Variants in MPDZ observed in about 807,000 individuals in gnomAD.
MPDZ encodes the protein multiple PDZ domain crumbs cell polarity complex component.
Under a neutral mutation model 239.1 loss-of-function variants are expected in MPDZ, and 234 were observed. The observed-to-expected ratio is 0.98, with a 90% confidence interval of 0.88 to 1.09. The LOEUF (loss-of-function observed/expected upper bound fraction) is 1.09, where lower values mean the gene tolerates loss of function less well. Ranked by LOEUF, MPDZ falls within the 50% of genes least tolerant of loss-of-function variation. The pLI, the probability that MPDZ is intolerant of heterozygous loss-of-function variation, is 0.00. For synonymous variants in MPDZ, 1,048 were observed against 881.3 expected, an observed-to-expected ratio of 1.19 and a Z score of -3.35; for missense variants, 3,175 against 2,510.0, an observed-to-expected ratio of 1.26 and a Z score of -5.66.
intron 20 of MPDZ, 104 bp downstream of exon 20, chr9:13,176,032 G>C (rs545530215): frequency 1.5e-5 from 21 of 1,428,512 alleles, no homozygotes; most frequent in Admixed American, 2.7e-5. Context: ...GAAAATCTTA[G>C]TGTCAAGAAG....
At position 13,194,351 on chromosome 9, in the gene MPDZ, G is replaced by A. The variant is rs186997870; in HGVS notation, c.1657-1038C>T. 1.2e-3 allele frequency among the ~76,000 whole-genome samples: 183 copies of A among 152,020 alleles called. 1 individual carries two copies. Among genetic ancestry groups the A allele is most frequent in the Non-Finnish European group, 7.5e-4 (51 of 67,974 alleles). On this transcript the variant is annotated intron_variant, in intron 13 of 46. Transcript: ENST00000319217. ...ATAAAGAAAATGTATATACACCATGGAATACTACACAGCCATAAAAAAGAA... is the reference window on the plus strand; with the variant it reads ...ATAAAGAAAATGTATATACACCATGAAATACTACACAGCCATAAAAAAGAA...
chr9:13,148,069 G>T (rs925787226), intron 25 of MPDZ, among the ~76,000 whole-genome samples: 1 of 151,936 alleles, frequency 6.6e-6, no homozygotes, highest in Non-Finnish European at 1.5e-5. Context: ...GGGAAGTAAG[G>T]GGTGATGCCT....
chr9:13,222,201 T>C, intron 6 of MPDZ, 32 bp downstream of exon 6: 1 of 1,577,424 alleles, frequency 6.3e-7, no homozygotes, highest in Non-Finnish European at 8.6e-7. Context: ...GAAAAATACG[T>C]TCTGTTCCTT....
rs150634377 is a variant in MPDZ at position 13,230,388 on chromosome 9, T to C, written c.184-5805A>G. 5.3e-3 allele frequency among the ~76,000 whole-genome samples: 807 copies of C among 151,916 alleles called. 12 individuals are homozygous for C. The highest frequency in any genetic ancestry group is 0.018 in the African/African-American group (747 of 41,456). On this transcript the variant is annotated intron_variant, in intron 3 of 46. Transcript: ENST00000319217. Reference sequence around the variant, plus strand: ...GCAGCTTATATATAATAGTGAAAAATTGGAAACAAAATACCCCTCAGTAGG... The same window carrying C: ...GCAGCTTATATATAATAGTGAAAAACTGGAAACAAAATACCCCTCAGTAGG...
At chr9:13,108,539 ATAAC>A (rs1941870005) in intron 46 of MPDZ, among the ~76,000 whole-genome samples, 1 of 152,082 alleles carries the variant, frequency 6.6e-6, no homozygotes, top group African/African-American at 2.4e-5. Context: ...GTACTTCTCT[ATAAC>A]TATTTTATAT....
chr9:13,165,471 T>G, intron 22 of MPDZ: 1 of 1,539,440 alleles, frequency 6.5e-7, no homozygotes, highest in Non-Finnish European at 8.8e-7. Flanking sequence ...GTCAATGTCT[T>G]GTGCTGAATG....
At chr9:13,227,523 T>C (rs1961015945) in intron 3 of MPDZ, among the ~76,000 whole-genome samples, 1 of 151,968 alleles carries the variant, frequency 6.6e-6, no homozygotes, top group African/African-American at 2.4e-5. Context: ...TATGTTTGCA[T>C]AGGAAAAAAT....
At chr9:13,189,052 T>C (rs1587649667) in intron 16 of MPDZ, 59 bp from the exon 17 acceptor site, 1 of 1,465,370 alleles carries the variant, frequency 6.8e-7, no homozygotes, top group East Asian at 2.3e-5. Flanking sequence ...CTTCTACAGG[T>C]CGTCCACTCT....
chr9:13,155,765 C>T (rs1374921163), intron 24 of MPDZ, among the ~76,000 whole-genome samples: 2 of 152,276 alleles, frequency 1.3e-5, no homozygotes, highest in East Asian at 3.9e-4. Flanking sequence ...ACAACACTAA[C>T]TCCTAATTTA....
chr9:13,239,237 A>G (rs1964797716), intron 3 of MPDZ, among the ~76,000 whole-genome samples: 1 of 152,188 alleles, frequency 6.6e-6, no homozygotes, highest in Admixed American at 6.5e-5. Context: ...AATCACCCAG[A>G]AATCCTTAAA....
At chr9:13,119,916 T>C in intron 38 of MPDZ, 1 of 402,588 alleles carries the variant, frequency 2.5e-6, no homozygotes, top group Non-Finnish European at 4.5e-6. Flanking sequence ...AAGCGTGTAT[T>C]ACCATTCTCA....
At chr9:13,240,483 G>GCATTTCT (rs1415339995) in intron 3 of MPDZ, among the ~76,000 whole-genome samples, 1 of 148,636 alleles carries the variant, frequency 6.7e-6, no homozygotes, top group Admixed American at 6.9e-5. Flanking sequence ...TAGCTGAAGT[G>GCATTTCT]CATTTCTCTT....
rs1587870409 is a variant in MPDZ at position 13,216,812 on chromosome 9, G to A, written c.1252C>T (p.His418Tyr). Residue 418 changes from histidine to tyrosine, a missense_variant, in exon 10 of 47, where the codon CAT becomes TAT. Transcript: ENST00000319217. ...TCTCCAATTTGGATTCTTCCATCAT[G>A]CTCAACGGCACTGCTTTTTGTAATG... ...KSITKSSAVEHDGRIQIGDQI... is the reference protein window; with the variant it reads ...KSITKSSAVEYDGRIQIGDQI... 5 of 1,609,920 alleles carry A rather than the reference G, an allele frequency of 3.1e-6. No individual in the cohort carries two copies. The African/African-American group carries it at 6.7e-5, about 22-fold the overall frequency.
At chr9:13,139,893 C>A (rs761306793) in intron 28 of MPDZ, 94 bp downstream of exon 28, 1 of 1,424,920 alleles carries the variant, frequency 7.0e-7, no homozygotes, top group South Asian at 1.2e-5. Context: ...CACAAAGCTG[C>A]AACATACTTA....
At chr9:13,264,509 G>C (rs1424720376) in intron 1 of MPDZ, among the ~76,000 whole-genome samples, 2 of 152,142 alleles carry the variant, frequency 1.3e-5, no homozygotes, top group Non-Finnish European at 2.9e-5. Flanking sequence ...TCAGTGGTGT[G>C]TCTGGGATCA....
chr9:13,206,121 AGCATGTT>A, intron 10 of MPDZ, 22 bp from the exon 11 acceptor site: 1 of 1,505,940 alleles, frequency 6.6e-7, no homozygotes, highest in Non-Finnish European at 9.0e-7. Flanking sequence ...AAAAAAAAAA[AGCATGTT>A]ACATGTTAAA....
intron 1 of MPDZ, among the ~76,000 whole-genome samples, chr9:13,264,175 T>G (rs893569655): frequency 4.6e-5 from 7 of 152,284 alleles, no homozygotes; most frequent in Admixed American, 4.6e-4. Flanking sequence ...AAAAAACATG[T>G]TCATTACATT....
At chr9:13,160,655 T>C (rs1950347583) in intron 23 of MPDZ, among the ~76,000 whole-genome samples, 3 of 150,966 alleles carry the variant, frequency 2.0e-5, no homozygotes, top group Admixed American at 6.6e-5. Context: ...AATCCTGGAG[T>C]GTGGCTGAGC....
At chr9:13,116,498 A>G (rs908767800) in intron 39 of MPDZ, among the ~76,000 whole-genome samples, 2 of 152,190 alleles carry the variant, frequency 1.3e-5, no homozygotes, top group Admixed American at 1.3e-4. Context: ...GTTGATCATG[A>G]ATCATACTCT....
Sources: gnomAD v4.1 joint callset for allele counts (sites outside exome capture counted in the v4.1 genomes callset) on GRCh38, gnomAD v4.1.1 for gene constraint, MANE v1.5 for transcripts, NCBI Gene and HGNC (gene_info 2026-07-23, HGNC 2026-07-21) for gene names.